DNAJA4: variants seen among roughly 807,000 people sequenced by gnomAD.
DNAJA4 encodes the protein dnaJ homolog subfamily A member 4.
Under a neutral mutation model 39.7 loss-of-function variants are expected in DNAJA4, and 32 were observed. That is an observed-to-expected ratio of 0.81 (90% confidence interval 0.61 to 1.08). The LOEUF (loss-of-function observed/expected upper bound fraction) is 1.08, where lower values mean the gene tolerates loss of function less well. DNAJA4 is among the 50% of genes least tolerant of loss of function. The pLI, the probability that DNAJA4 is intolerant of heterozygous loss-of-function variation, is 0.00. For synonymous variants in DNAJA4, 184 were observed against 182.4 expected (o/e 1.01, Z -0.07); for missense variants, 439 against 505.1 (o/e 0.87, Z 1.25).
Position 78,264,604 on chromosome 15 carries a change from G to T in DNAJA4, c.-160G>T, listed in dbSNP as rs1041837940. ...CGTGGAAGTCGGTCCGGCGCGGGGC[G>T]GGGGGCGGGCGGGAGCTACAAGCGG... On this transcript the variant is annotated 5_prime_UTR_variant, in exon 1 of 7. Transcript: ENST00000394852. 2 of 1,140,976 alleles carry T rather than the reference G, an allele frequency of 1.8e-6. No homozygotes were observed. The highest frequency in any genetic ancestry group is 1.7e-5 in the African/African-American group (1 of 60,236). The allele number at this position is 1,140,976 out of a possible 1,614,324, so 70.7% of individuals were successfully genotyped here.
At chr15:78,267,181 AGTGTGTG>A (rs1567115110) in intron 1 of DNAJA4, among the ~76,000 whole-genome samples, 4 of 90,162 alleles carry the variant, frequency 4.4e-5, no homozygotes, top group East Asian at 2.6e-4. Context: ...TGAGTGTGTG[AGTGTGTG>A]TGTGAGTGTG....
In DNAJA4 at chr15:78,275,535, A is replaced by G; in HGVS notation, c.684A>G (p.Glu228=). ...GGCAAAAGATACTATTTCATGGAGA[A>G]GGAGATCAGGAGCCTGAGCTGGAGC... is the stretch of plus-strand genomic sequence containing the variant. ...KDGQKILFHG[E]GDQEPELEPG... Residue 228 remains glutamate, a synonymous_variant, in exon 5 of 7, where the codon GAA becomes GAG. Coordinates refer to ENST00000394852, the MANE Select transcript of DNAJA4 (RefSeq NM_001130182.2). 6.2e-7 allele frequency: 1 copy of G among 1,614,098 alleles called. No individual in the cohort carries two copies. Among genetic ancestry groups the G allele is most frequent in the Non-Finnish European group, 8.5e-7 (1 of 1,179,914 alleles).
chr15:78,267,168 G>GTGAGTGTGTA (rs2049153098), intron 1 of DNAJA4, among the ~76,000 whole-genome samples: 2 of 102,316 alleles, frequency 2.0e-5, no homozygotes, highest in African/African-American at 6.4e-5. Flanking sequence ...GTATGTGAGT[G>GTGAGTGTGTA]TGTGAGTGTG....
intron 1 of DNAJA4, among the ~76,000 whole-genome samples, chr15:78,268,607 ATC>A (rs559944519): frequency 1.4e-3 from 206 of 152,068 alleles, no homozygotes; most frequent in African/African-American, 4.6e-3. Context: ...GCATTATAGG[ATC>A]TGTTTATCTA....
chr15:78,264,642 C>G lies in DNAJA4; in HGVS notation c.-122C>G, dbSNP rs1355765404. ...GAGCTACAAGCGGCGGCGGCGGCGG[C>G]GACCGTGACCGTGACGCGCGAGCGG... On this transcript the variant is annotated 5_prime_UTR_variant, in exon 1 of 7. Transcript: ENST00000394852. The G allele has an allele frequency of 9.8e-7, 1 of 1,016,314 alleles. No individual in the cohort carries two copies. The highest frequency in any genetic ancestry group is 1.2e-6 in the Non-Finnish European group (1 of 851,090). 63.0% of individuals were successfully genotyped at this position (1,016,314 alleles called of 1,614,324 possible).
At chr15:78,271,372 ACCCT>A (rs2049290779) in intron 2 of DNAJA4, among the ~76,000 whole-genome samples, 1 of 150,776 alleles carries the variant, frequency 6.6e-6, no homozygotes, top group South Asian at 2.1e-4. Context: ...CCTCTTGCCC[ACCCT>A]CCCTTTGTGG....
At chr15:78,273,788 G>C (rs2049367875) in intron 3 of DNAJA4, among the ~76,000 whole-genome samples, 1 of 152,176 alleles carries the variant, frequency 6.6e-6, no homozygotes, top group Non-Finnish European at 1.5e-5. Flanking sequence ...CATGTCTGGT[G>C]ACCCCAGCCT....
rs1157094278 is a variant in DNAJA4, at chr15:78,281,452, TC to T, written c.*994del. On this transcript the variant is annotated 3_prime_UTR_variant, in exon 7 of 7. Coordinates refer to ENST00000394852, the MANE Select transcript of DNAJA4 (RefSeq NM_001130182.2). Reference sequence around the variant, plus strand: ...ATTGAGCTCCCTTCCAAAGGATCGTTCCTCTCATTGCACAGCCATATTACAA... The same window carrying T: ...ATTGAGCTCCCTTCCAAAGGATCGTTCTCTCATTGCACAGCCATATTACAA... 1 of 149,096 alleles carries T rather than the reference TC, an allele frequency of 6.7e-6. No homozygotes were observed. The highest frequency in any genetic ancestry group is 1.5e-5 in the Non-Finnish European group (1 of 68,044). 9.2% of individuals were successfully genotyped at this position (149,096 alleles called of 1,614,324 possible). A position where few individuals can be genotyped will look rare whatever the true frequency, so the allele number is the denominator to read the frequency against.
Position 78,280,772 on chromosome 15 carries a change from A to G in DNAJA4, c.*312A>G. On this transcript the variant is annotated 3_prime_UTR_variant, in exon 7 of 7. Coordinates refer to ENST00000394852, the MANE Select transcript of DNAJA4 (RefSeq NM_001130182.2). ...ACTTTGTGCTTCTAGTGGCTTTGCC[A>G]TAATTCAGTGTCACCAATAAGGCAC... 1 of 254,828 alleles carries G rather than the reference A, an allele frequency of 3.9e-6. No homozygotes were observed. The highest frequency in any genetic ancestry group is 7.6e-6 in the Non-Finnish European group (1 of 132,364). The allele number at this position is 254,828 out of a possible 1,614,324, so 15.8% of individuals were successfully genotyped here. A position where few individuals can be genotyped will look rare whatever the true frequency, so the allele number is the denominator to read the frequency against.
intron 1 of DNAJA4, among the ~76,000 whole-genome samples, chr15:78,267,841 G>T (rs955830753): frequency 6.6e-6 from 1 of 152,102 alleles, no homozygotes; most frequent in Non-Finnish European, 1.5e-5. Context: ...CTTTTCCCAA[G>T]TTGTTACGTA....
chr15:78,264,871 C>G lies in DNAJA4; in HGVS notation c.108C>G (p.Asp36Glu). The G allele has an allele frequency of 6.2e-7, 1 of 1,605,676 alleles. No individual in the cohort carries two copies. The highest frequency in any genetic ancestry group is 8.5e-7 in the Non-Finnish European group (1 of 1,175,940). The change falls in exon 1 of 7, where the codon GAC (aspartate) becomes GAG (glutamate). Residue 36 changes from aspartate to glutamate, a missense_variant. By Grantham distance (45) the Asp-to-Glu change is conservative (BLOSUM62 2). Transcript: ENST00000394852. ...AGCTGGCGCTCAAGTACCACCCGGA[C>G]AAGAACCCGGATGAGGGCGAGAAGG... ...YRKLALKYHPDKNPDEGEKFK... is the reference protein window; with the variant it reads ...YRKLALKYHPEKNPDEGEKFK...
In DNAJA4 at chr15:78,271,651, C is replaced by T. The variant is rs77227989; in HGVS notation, c.313+974C>T. Among the ~76,000 whole-genome samples, 911 of 152,300 alleles carry T rather than the reference C, an allele frequency of 6.0e-3. 14 individuals carry two copies. Among genetic ancestry groups the T allele is most frequent in the African/African-American group, 0.021 (864 of 41,572 alleles). On this transcript the variant is annotated intron_variant, in intron 2 of 6. Transcript: ENST00000394852. ...CAATGGCCCCAGGCCACTGTTTTGA[C>T]TTTCTCGGGATTTGTTCTTCCTAAT...
chr15:78,275,339 T>TTGGCCATCC, intron 4 of DNAJA4, 159 bp from the exon 5 acceptor site: 3 of 615,604 alleles, frequency 4.9e-6, no homozygotes, highest in Non-Finnish European at 8.5e-6. Context: ...TCTTCTGTCA[T>TTGGCCATCC]TGGCCATCCT....
At position 78,273,172 on chromosome 15, in the gene DNAJA4, A is replaced by G. The variant is rs1487017629; in HGVS notation, c.391A>G (p.Lys131Glu). 3.7e-6 allele frequency: 6 copies of G among 1,601,108 alleles called. No homozygotes were observed. Among genetic ancestry groups the G allele is most frequent in the African/African-American group, 1.3e-5 (1 of 74,770 alleles). Residue 131 changes from lysine to glutamate, a missense_variant, in exon 3 of 7, where the codon AAA becomes GAA. Transcript: ENST00000394852. ...AGTCACGAAGAAATTGGCCCTCCAG[A>G]AAAATGTAATTTGTGAGAAATGTGA... ...NGVTKKLALQ[K>E]NVICEKCEGV... is the part of the protein sequence containing the mutation.
At position 78,274,262 on chromosome 15, in the gene DNAJA4, C is replaced by T. The variant is rs756513963; in HGVS notation, c.484C>T (p.His162Tyr). 17 of 1,614,008 alleles carry T rather than the reference C, an allele frequency of 1.1e-5. No homozygotes were observed. The highest frequency in any genetic ancestry group is 4.0e-5 in the African/African-American group (3 of 74,896). Residue 162 changes from histidine to tyrosine, a missense_variant, in exon 4 of 7, where the codon CAC becomes TAC. By Grantham distance (83) the His-to-Tyr change is moderately conservative. Coordinates refer to ENST00000394852, the MANE Select transcript of DNAJA4 (RefSeq NM_001130182.2). Reference sequence around the variant, plus strand: ...GTGCAAGGGGCGGGGGATGCAGATCCACATCCAGCAGATCGGGCCGGGCAT... The same window carrying T: ...GTGCAAGGGGCGGGGGATGCAGATCTACATCCAGCAGATCGGGCCGGGCAT... ...PLCKGRGMQI[H>Y]IQQIGPGMVQ... is the part of the protein sequence containing the mutation.
At chr15:78,268,081 C>G (rs1265213729) in intron 1 of DNAJA4, among the ~76,000 whole-genome samples, 1 of 152,194 alleles carries the variant, frequency 6.6e-6, no homozygotes, top group Non-Finnish European at 1.5e-5. Flanking sequence ...GACTGAATGT[C>G]CCAAGCAACT....
chr15:78,268,889 A>G (rs1318818577), intron 1 of DNAJA4, among the ~76,000 whole-genome samples: 3 of 152,224 alleles, frequency 2.0e-5, no homozygotes, highest in African/African-American at 4.8e-5. Context: ...ATGGAGAAAT[A>G]TGCAGCAGTT....
chr15:78,265,893 G>T, intron 1 of DNAJA4: 1 of 594,642 alleles, frequency 1.7e-6, no homozygotes, highest in South Asian at 2.1e-5. Context: ...AACGACGCTG[G>T]AATCAAAATA....
At chr15:78,265,857 C>A in intron 1 of DNAJA4, 1 of 605,404 alleles carries the variant, frequency 1.7e-6, no homozygotes, top group East Asian at 2.7e-5. Flanking sequence ...ACACCAATCA[C>A]CCATGTAGCA....
Sources: gnomAD v4.1 joint callset for allele counts (sites outside exome capture counted in the v4.1 genomes callset) on GRCh38, gnomAD v4.1.1 for gene constraint, MANE v1.5 for transcripts, NCBI Gene and HGNC (gene_info 2026-07-23, HGNC 2026-07-21) for gene names.